Variants in MEGF11 observed in about 807,000 individuals in gnomAD.
The protein encoded by MEGF11 is multiple EGF like domains 11.
In MEGF11, 126 loss-of-function variants were observed where a neutral mutation model predicts 146.6. The observed-to-expected ratio is 0.86, with a 90% confidence interval of 0.74 to 1.00. The LOEUF (loss-of-function observed/expected upper bound fraction) is 1.00. Ranked by LOEUF, MEGF11 falls within the 50% of genes least tolerant of loss-of-function variation. The pLI is 0.00. For missense variants in MEGF11, 1,509 were observed against 1,521.2 expected (o/e 0.99, Z 0.13); for synonymous variants, 532 against 583.4 (o/e 0.91, Z 1.27).
intron 5 of MEGF11, among the ~76,000 whole-genome samples, chr15:66,037,410 G>T (rs1021835728): frequency 5.3e-5 from 8 of 152,216 alleles, no homozygotes; most frequent in African/African-American, 1.9e-4. Flanking sequence ...GATGGCTTCA[G>T]GCAGGTGACT....
At chr15:65,940,029 C>T (rs2079929455) in intron 10 of MEGF11, among the ~76,000 whole-genome samples, 1 of 152,074 alleles carries the variant, frequency 6.6e-6, no homozygotes, top group African/African-American at 2.4e-5. Flanking sequence ...AGACACTGTG[C>T]GAGGTCAGGG....
Position 65,982,582 on chromosome 15 carries a change from T to G in MEGF11, c.395-94A>C, listed in dbSNP as rs1333282300. On this transcript the variant is annotated intron_variant, in intron 5 of 25. Coordinates refer to ENST00000395614, the MANE Select transcript of MEGF11 (RefSeq NM_001385028.1). This position sits in a 1 kb window ranked among gnomAD's most constrained non-coding sequence, Gnocchi z 5.6. Reference sequence around the variant, plus strand: ...GATGCCCATGCGGCCTTCCCATCTTTGCAGCGCTGCTCCCCGGACAGGTGG... The same window carrying G: ...GATGCCCATGCGGCCTTCCCATCTTGGCAGCGCTGCTCCCCGGACAGGTGG... 2.2e-6 allele frequency: 3 copies of G among 1,368,012 alleles called. No individual in the cohort carries two copies. Among genetic ancestry groups the G allele is most frequent in the African/African-American group, 3.0e-5 (2 of 66,034 alleles). The allele number at this position is 1,368,012 out of a possible 1,614,324, so 84.7% of individuals were successfully genotyped here. A position where few individuals can be genotyped will look rare whatever the true frequency, so the allele number is the denominator to read the frequency against.
Position 65,897,858 on chromosome 15 carries a change from T to C in MEGF11, c.*76A>G. 1 of 1,427,210 alleles carries C rather than the reference T, an allele frequency of 7.0e-7. No individual in the cohort carries two copies. Among genetic ancestry groups the C allele is most frequent in the Non-Finnish European group, 9.6e-7 (1 of 1,044,072 alleles). 88.4% of individuals were successfully genotyped at this position (1,427,210 alleles called of 1,614,324 possible). A position where few individuals can be genotyped will look rare whatever the true frequency, so the allele number is the denominator to read the frequency against. ...AGCTGGAGCCAGTCTGTACCATTAC[T>C]TCAAGTCAAGGGACTGTCTTCTTTC... On this transcript the variant is annotated 3_prime_UTR_variant, in exon 26 of 26. Coordinates refer to ENST00000395614, the MANE Select transcript of MEGF11 (RefSeq NM_001385028.1).
chr15:65,922,903 CA>C lies in MEGF11; in HGVS notation c.1741del (p.Cys581ValfsTer219). 1 of 1,613,172 alleles carries C rather than the reference CA, an allele frequency of 6.2e-7. No individual in the cohort carries two copies. The highest frequency in any genetic ancestry group is 8.5e-7 in the Non-Finnish European group (1 of 1,179,722). Reference protein sequence around the residue: ...WGPNCSVSCSCENGGSCSPED... With the variant: ...WGPNCSVSCSXENGGSCSPED... ...TGGGGAGCAGGAGCCTCCATTCTCA[CA>C]GCTGCAGGAGACAGAGCAGTTGGGG... On this transcript the variant is annotated frameshift_variant, in exon 14 of 26. Coordinates refer to ENST00000395614, the MANE Select transcript of MEGF11 (RefSeq NM_001385028.1). LOFTEE classifies it high-confidence loss of function.
At chr15:65,990,841 A>G (rs1238089594) in intron 5 of MEGF11, among the ~76,000 whole-genome samples, 3 of 152,190 alleles carry the variant, frequency 2.0e-5, no homozygotes, top group Non-Finnish European at 4.4e-5. Context: ...CACTTGAGAA[A>G]CAGGCCAGAG....
chr15:66,183,787 G>T (rs1231390295), intron 1 of MEGF11, among the ~76,000 whole-genome samples: 1 of 152,134 alleles, frequency 6.6e-6, no homozygotes, highest in Admixed American at 6.5e-5. Context: ...GGGGCTGAGG[G>T]TGTGCCCTTC....
At position 66,040,517 on chromosome 15, in the gene MEGF11, C is replaced by T. The variant is rs557509117; in HGVS notation, c.394+53885G>A. On this transcript the variant is annotated intron_variant, in intron 5 of 25. Transcript: ENST00000395614. ...CCGGGAAGTATATTTCACAGCGATA[C>T]GTTCTCTGTCCTTCAGGTAGGGCCC... is the stretch of plus-strand genomic sequence containing the variant. Among the ~76,000 whole-genome samples the T allele has an allele frequency of 1.2e-4, 17 of 137,932 alleles. No individual in the cohort carries two copies. In the South Asian group the frequency reaches 2.3e-3, roughly 18 times the overall value. The allele number at this position is 137,932 out of a possible 152,430, so 90.5% of individuals were successfully genotyped here.
Position 65,898,088 on chromosome 15 carries a change from G to C in MEGF11, c.3269C>G (p.Thr1090Arg). ...SNKNIYEVEPTVSVVQEGCGH... is the reference protein window; with the variant it reads ...SNKNIYEVEPRVSVVQEGCGH... ...GCAACCTTCTTGGACCACACTGACT[G>C]TGGGCTCTAAGAAATATAGTGAAAA... Residue 1090 changes from threonine (T) to arginine (R), a missense_variant, in exon 26 of 26, where the codon ACA (threonine) becomes AGA (arginine). Coordinates refer to ENST00000395614, the MANE Select transcript of MEGF11 (RefSeq NM_001385028.1). 1 of 1,613,134 alleles carries C rather than the reference G, an allele frequency of 6.2e-7. No homozygotes were observed. The highest frequency in any genetic ancestry group is 1.1e-5 in the South Asian group (1 of 90,966).
rs1173082305 is a variant in MEGF11 at position 65,982,613 on chromosome 15, A to G, written c.395-125T>C. 2.8e-5 allele frequency: 34 copies of G among 1,193,458 alleles called. No individual in the cohort carries two copies. Among genetic ancestry groups the G allele is most frequent in the Non-Finnish European group, 3.6e-5 (32 of 901,086 alleles). 73.9% of individuals were successfully genotyped at this position (1,193,458 alleles called of 1,614,324 possible). A position where few individuals can be genotyped will look rare whatever the true frequency, so the allele number is the denominator to read the frequency against. ...GCTGCTCCCCGGACAGGTGGCAGCA[A>G]GGGGTGCCTGGAAGCTTTGGTGCCT... On this transcript the variant is annotated intron_variant, in intron 5 of 25. Transcript: ENST00000395614. The surrounding 1 kb of genome is among the most constrained non-coding windows in gnomAD (Gnocchi z 5.6).
chr15:65,931,617 C>T (rs1436688662), intron 10 of MEGF11, among the ~76,000 whole-genome samples: 1 of 152,150 alleles, frequency 6.6e-6, no homozygotes, highest in Non-Finnish European at 1.5e-5. Flanking sequence ...GCCTCCAGAC[C>T]ACAATACCAG....
chr15:66,147,225 C>T (rs2089406378), intron 1 of MEGF11, among the ~76,000 whole-genome samples: 1 of 152,130 alleles, frequency 6.6e-6, no homozygotes, highest in Admixed American at 6.5e-5. Context: ...CCACCCTAGT[C>T]CCTCCTCCTA....
chr15:65,902,730 T>G (rs2078525655), intron 24 of MEGF11, among the ~76,000 whole-genome samples: 1 of 152,236 alleles, frequency 6.6e-6, no homozygotes, highest in Admixed American at 6.5e-5. Context: ...GCATCAGGAT[T>G]GGCGGCTTGG....
chr15:66,220,826 C>T (rs774828791), intron 1 of MEGF11, among the ~76,000 whole-genome samples: 38 of 152,264 alleles, frequency 2.5e-4, no homozygotes, highest in Admixed American at 7.8e-4. Context: ...CATGTGCTAC[C>T]ATGCCCAGCC....
intron 5 of MEGF11, among the ~76,000 whole-genome samples, chr15:66,068,715 T>C (rs1171737475): frequency 6.6e-6 from 1 of 152,166 alleles, no homozygotes; most frequent in Non-Finnish European, 1.5e-5. Flanking sequence ...AAGAGGCTGG[T>C]TGCTGCTGCT....
chr15:66,240,493 C>T (rs940524007), intron 1 of MEGF11, among the ~76,000 whole-genome samples: 4 of 152,348 alleles, frequency 2.6e-5, no homozygotes. Flanking sequence ...ATAAAGACCA[C>T]ACCCTGGAAC....
chr15:66,065,780 A>C (rs965228937), intron 5 of MEGF11, among the ~76,000 whole-genome samples: 18 of 152,228 alleles, frequency 1.2e-4, no homozygotes, highest in African/African-American at 4.3e-4. Context: ...CTTGGCAAAC[A>C]TCAAGATCTC....
intron 5 of MEGF11, among the ~76,000 whole-genome samples, chr15:66,081,731 G>A (rs555387298): frequency 1.3e-5 from 2 of 152,148 alleles, no homozygotes; most frequent in Non-Finnish European, 2.9e-5. Context: ...AAAGGACCAG[G>A]GTCCCCCAGG....
At chr15:65,902,472 G>A (rs1052718985) in intron 24 of MEGF11, 1 of 150,208 alleles carries the variant, frequency 6.7e-6, no homozygotes, top group Non-Finnish European at 1.5e-5. Context: ...AATGGGGAAG[G>A]GCTGGGCAAG....
chr15:65,932,502 GC>G (rs2079615304), intron 10 of MEGF11, among the ~76,000 whole-genome samples: 1 of 152,114 alleles, frequency 6.6e-6, no homozygotes, highest in African/African-American at 2.4e-5. Flanking sequence ...GGCTTCAGAG[GC>G]CTTGAGGGGT....
Sources: gnomAD v4.1 joint callset for allele counts (sites outside exome capture counted in the v4.1 genomes callset) on GRCh38, gnomAD v4.1.1 for gene constraint, Gnocchi (gnomAD v3.1) non-coding constraint, MANE v1.5 for transcripts, NCBI Gene and HGNC (gene_info 2026-07-23, HGNC 2026-07-21) for gene names.